MEMO1: variants seen among roughly 807,000 people sequenced by gnomAD.
MEMO1 encodes the protein protein MEMO1.
A neutral mutation model predicts 45.2 loss-of-function variants in MEMO1; 6 were observed. The ratio of observed to expected loss-of-function variants is 0.13; its 90% CI spans 0.07 to 0.26. The LOEUF (loss-of-function observed/expected upper bound fraction) is 0.26. MEMO1 is among the 10% of genes least tolerant of loss of function. MEMO1 has a pLI of 1.00. For synonymous variants in MEMO1, 78 were observed against 124.3 expected (o/e 0.63, Z 2.48); for missense variants, 184 against 370.5 (o/e 0.50, Z 4.13).
intron 6 of MEMO1, among the ~76,000 whole-genome samples, chr2:31,908,706 G>A: frequency 6.6e-6 from 1 of 152,176 alleles, no homozygotes; most frequent in East Asian, 1.9e-4. Context: ...TTACTTCCAA[G>A]GGCCCCAACA....
intron 2 of MEMO1, among the ~76,000 whole-genome samples, chr2:31,969,589 GTGT>G (rs1558542004): frequency 0.013 from 572 of 43,532 alleles, 2 homozygotes; most frequent in South Asian, 0.031. Context: ...GTGTGTGGGT[GTGT>G]GTGTGTGTGT....
At chr2:31,963,166 C>T (rs1277659938) in intron 2 of MEMO1, 2 of 1,537,910 alleles carry the variant, frequency 1.3e-6, no homozygotes, top group South Asian at 2.4e-5. Context: ...CAAAGTGAAA[C>T]CGCACCGTCA....
chr2:31,946,390 A>C (rs1051153761), intron 2 of MEMO1, among the ~76,000 whole-genome samples: 5 of 152,260 alleles, frequency 3.3e-5, no homozygotes, highest in Non-Finnish European at 7.3e-5. Context: ...AAGTACAAAA[A>C]AAAAGTCTGA....
intron 6 of MEMO1, chr2:31,893,231 G>T: frequency 1.5e-6 from 1 of 656,804 alleles, no homozygotes; most frequent in Non-Finnish European, 2.1e-6. Context: ...TCCCCCATAA[G>T]GCCCCCTTAC....
chr2:31,918,642 AC>A (rs1208996578), intron 5 of MEMO1, among the ~76,000 whole-genome samples: 4 of 152,204 alleles, frequency 2.6e-5, no homozygotes, highest in Non-Finnish European at 4.4e-5. Context: ...TAAATTCGCC[AC>A]AATACCGTCC....
chr2:31,970,710 T>G (rs993067092), intron 2 of MEMO1, among the ~76,000 whole-genome samples: 1 of 150,956 alleles, frequency 6.6e-6, no homozygotes, highest in Non-Finnish European at 1.5e-5. Flanking sequence ...ACATTGCAGG[T>G]TCAAAGATAT....
chr2:31,985,475 G>A (rs1042803138), intron 2 of MEMO1, among the ~76,000 whole-genome samples: 4 of 152,098 alleles, frequency 2.6e-5, no homozygotes, highest in Admixed American at 6.5e-5. Flanking sequence ...ACAGGCGAGC[G>A]CCACCATGCC....
At chr2:32,010,289 G>T in intron 1 of MEMO1, 25 bp from the exon 2 acceptor site, 2 of 1,362,702 alleles carry the variant, frequency 1.5e-6, no homozygotes, top group South Asian at 2.6e-5. Context: ...GATGAATGAG[G>T]AGGCGGCGGC....
chr2:31,967,950 T>C (rs1230683556), intron 2 of MEMO1, among the ~76,000 whole-genome samples: 1 of 152,100 alleles, frequency 6.6e-6, no homozygotes, highest in Non-Finnish European at 1.5e-5. Context: ...CTTGGAAGAA[T>C]GAGAGACTGA....
rs186249582 is a variant in MEMO1, at chr2:31,885,629, C to A, written c.581-2167G>T. Among the ~76,000 whole-genome samples, 131 of 152,274 alleles carry A rather than the reference C, an allele frequency of 8.6e-4. 1 individual carries two copies. Among genetic ancestry groups the A allele is most frequent in the African/African-American group, 3.1e-3 (129 of 41,564 alleles). ...TTCTGACTCACTCTCACTATAAGAA[C>A]AATATTCTTGGAGGAAATCAAGGTA... On this transcript the variant is annotated intron_variant, in intron 7 of 9. Coordinates refer to ENST00000404530, the MANE Select transcript of MEMO1 (RefSeq NM_001301833.4).
chr2:31,881,113 C>T (rs1274569143), intron 8 of MEMO1, among the ~76,000 whole-genome samples: 1 of 152,052 alleles, frequency 6.6e-6, no homozygotes, highest in Admixed American at 6.6e-5. Flanking sequence ...GTAGGATCAA[C>T]ATCTACTGTA....
chr2:31,940,499 CA>C (rs1415562364), intron 3 of MEMO1, among the ~76,000 whole-genome samples: 1 of 152,158 alleles, frequency 6.6e-6, no homozygotes, highest in African/African-American at 2.4e-5. Context: ...TTTCACAGGA[CA>C]AAACATAAGA....
At chr2:31,925,234 T>A (rs554565989) in intron 4 of MEMO1, among the ~76,000 whole-genome samples, 2 of 152,142 alleles carry the variant, frequency 1.3e-5, no homozygotes, top group South Asian at 4.2e-4. Context: ...TGCCAGCACT[T>A]TGGGAGGCTG....
At chr2:31,872,035 A>ACACACACACG (rs1048124641) in intron 8 of MEMO1, among the ~76,000 whole-genome samples, 1 of 151,630 alleles carries the variant, frequency 6.6e-6, no homozygotes, top group African/African-American at 2.4e-5. Context: ...ACACACACAC[A>ACACACACACG]CACACACACA....
intron 2 of MEMO1, among the ~76,000 whole-genome samples, chr2:31,979,078 G>A (rs1052915124): frequency 2.0e-5 from 3 of 152,182 alleles, no homozygotes; most frequent in African/African-American, 4.8e-5. Context: ...GGCTGGGGAG[G>A]TGGCAGAAGG....
rs35956056 is a variant in MEMO1, at chr2:31,962,016, T to TAA, written c.62-18635_62-18634dup. Among the ~76,000 whole-genome samples the TAA allele has an allele frequency of 4.3e-3, 635 of 147,146 alleles. 6 individuals carry two copies. Among genetic ancestry groups the TAA allele is most frequent in the African/African-American group, 0.014 (561 of 40,322 alleles). On this transcript the variant is annotated intron_variant, in intron 2 of 9. Transcript: ENST00000404530. ...ATCTGGCCCTCTGTTTCCTTTTCTG[T>TAA]AAAAAAAAAAATGAAGAGGATAAAC...
intron 2 of MEMO1, among the ~76,000 whole-genome samples, chr2:31,953,219 C>G (rs1349063194): frequency 6.6e-6 from 1 of 151,732 alleles, no homozygotes; most frequent in Admixed American, 6.6e-5. Context: ...CTACAAAATT[C>G]ACTGGGCATG....
chr2:32,004,660 C>A (rs560843461), intron 2 of MEMO1, among the ~76,000 whole-genome samples: 2 of 152,180 alleles, frequency 1.3e-5, no homozygotes, highest in African/African-American at 4.8e-5. Context: ...CAGTGGCTCA[C>A]ACCTGTAATC....
intron 8 of MEMO1, among the ~76,000 whole-genome samples, chr2:31,874,865 T>C (rs1197449908): frequency 6.6e-6 from 1 of 151,908 alleles, no homozygotes; most frequent in Non-Finnish European, 1.5e-5. Flanking sequence ...ATTCACCATC[T>C]GATTAATCAA....
Sources: gnomAD v4.1 joint callset for allele counts (sites outside exome capture counted in the v4.1 genomes callset) on GRCh38, gnomAD v4.1.1 for gene constraint, MANE v1.5 for transcripts, NCBI Gene and HGNC (gene_info 2026-07-23, HGNC 2026-07-21) for gene names.